Variants in TBC1D22A observed in about 807,000 individuals in gnomAD.
TBC1D22A encodes the protein TBC1 domain family member 22A.
Under a neutral mutation model 60.2 loss-of-function variants are expected in TBC1D22A, and 38 were observed. The observed-to-expected ratio is 0.63, with a 90% CI of 0.49 to 0.83. TBC1D22A has a LOEUF of 0.83. TBC1D22A is among the 40% of genes least tolerant of loss of function. TBC1D22A has a pLI of 0.00. For synonymous variants in TBC1D22A, 302 were observed against 281.7 expected (o/e 1.07, Z -0.72); for missense variants, 628 against 701.0 (o/e 0.90, Z 1.18).
chr22:47,115,324 G>A (rs932272108), intron 12 of TBC1D22A, among the ~76,000 whole-genome samples: 2 of 152,142 alleles, frequency 1.3e-5, no homozygotes, highest in African/African-American at 4.8e-5. Flanking sequence ...CCACAGCCCT[G>A]CCCTGGGCGT....
At chr22:47,151,969 G>T (rs936370956) in intron 12 of TBC1D22A, among the ~76,000 whole-genome samples, 1 of 152,202 alleles carries the variant, frequency 6.6e-6, no homozygotes, top group South Asian at 2.1e-4. Flanking sequence ...GCAGAGGGCC[G>T]TGTGCATAGG....
At chr22:47,017,865 A>G (rs1013039970) in intron 10 of TBC1D22A, among the ~76,000 whole-genome samples, 6 of 152,188 alleles carry the variant, frequency 3.9e-5, no homozygotes, top group African/African-American at 1.4e-4. Flanking sequence ...TCCATCTATT[A>G]TTTAAAAGGT....
chr22:47,141,140 A>G lies in TBC1D22A; in HGVS notation c.1425+29537A>G, dbSNP rs1036730468. Among the ~76,000 whole-genome samples the G allele has an allele frequency of 2.0e-5, 3 of 152,206 alleles. No homozygotes were observed. The South Asian group carries it at 6.2e-4, about 31-fold the overall frequency. ...TGGTAGCAGGCAAGCGAGCATGTGC[A>G]GGGTTACTGCCCTTTATAAAACCAT... On this transcript the variant is annotated intron_variant, in intron 12 of 12. Transcript: ENST00000337137.
chr22:47,151,515 A>G (rs1473278997), intron 12 of TBC1D22A, among the ~76,000 whole-genome samples: 3 of 152,228 alleles, frequency 2.0e-5, no homozygotes, highest in Non-Finnish European at 2.9e-5. Flanking sequence ...CTACATGTTT[A>G]AAGGTAGCCT....
Position 47,075,531 on chromosome 22 carries a change from G to T in TBC1D22A, c.1330-35977G>T, listed in dbSNP as rs899060273. On this transcript the variant is annotated intron_variant, in intron 11 of 12. Transcript: ENST00000337137. ...ATCCCATCCCTCAGTGTTAAAGGGTGACCACTATAAATGAGTAGAAATATA... is the reference window on the plus strand; with the variant it reads ...ATCCCATCCCTCAGTGTTAAAGGGTTACCACTATAAATGAGTAGAAATATA... 1.4e-4 allele frequency among the ~76,000 whole-genome samples: 21 copies of T among 152,054 alleles called. 1 individual carries two copies. The highest frequency in any genetic ancestry group is 4.6e-4 in the African/African-American group (19 of 41,388).
chr22:46,982,134 A>G (rs1409110262), intron 9 of TBC1D22A, among the ~76,000 whole-genome samples: 3 of 152,010 alleles, frequency 2.0e-5, no homozygotes, highest in Non-Finnish European at 4.4e-5. Context: ...AGCTCTGGAA[A>G]GTCTGTCCTT....
At chr22:46,970,671 T>C (rs2074012023) in intron 8 of TBC1D22A, among the ~76,000 whole-genome samples, 1 of 152,186 alleles carries the variant, frequency 6.6e-6, no homozygotes, top group African/African-American at 2.4e-5. Flanking sequence ...GTGTGTACCG[T>C]TGAGTGGGAA....
chr22:46,810,943 C>T (rs2085351855), intron 4 of TBC1D22A, among the ~76,000 whole-genome samples: 1 of 152,148 alleles, frequency 6.6e-6, no homozygotes, highest in Non-Finnish European at 1.5e-5. Flanking sequence ...AGAGTCTGTA[C>T]CCTTACATGC....
chr22:47,047,219 C>T (rs1202549481), intron 11 of TBC1D22A, among the ~76,000 whole-genome samples: 5 of 152,192 alleles, frequency 3.3e-5, no homozygotes, highest in African/African-American at 1.2e-4. Flanking sequence ...GCCAGCCCTA[C>T]CCTCTTGCTA....
At chr22:47,050,457 G>A (rs1771288196) in intron 11 of TBC1D22A, among the ~76,000 whole-genome samples, 1 of 152,220 alleles carries the variant, frequency 6.6e-6, no homozygotes, top group Non-Finnish European at 1.5e-5. Context: ...GTTTTTAGCA[G>A]CTGGCTGTGC....
intron 12 of TBC1D22A, among the ~76,000 whole-genome samples, chr22:47,130,709 G>A (rs1350791284): frequency 6.6e-6 from 1 of 152,198 alleles, no homozygotes. Context: ...GGACCCTGCG[G>A]TCTGCAAAAC....
chr22:47,010,762 T>C (rs536735971), intron 10 of TBC1D22A, among the ~76,000 whole-genome samples: 10 of 152,334 alleles, frequency 6.6e-5, no homozygotes, highest in Admixed American at 4.6e-4. Context: ...TTTAATGTGC[T>C]TTCCATTGAA....
At chr22:46,943,767 C>T (rs1454914792) in intron 8 of TBC1D22A, among the ~76,000 whole-genome samples, 2 of 152,180 alleles carry the variant, frequency 1.3e-5, no homozygotes, top group Non-Finnish European at 2.9e-5. Flanking sequence ...ATGGATTTGC[C>T]CTTTCTGACA....
Position 46,968,201 on chromosome 22 carries a change from G to T in TBC1D22A, c.1016-6089G>T, listed in dbSNP as rs188378583. Among the ~76,000 whole-genome samples, 713 of 152,320 alleles carry T rather than the reference G, an allele frequency of 4.7e-3. 4 individuals carry two copies. Among genetic ancestry groups the T allele is most frequent in the Non-Finnish European group, 6.9e-3 (466 of 68,020 alleles). ...GCTGCACAAGGGAGGCTCCGGCATG[G>T]ATGCTCCTTACTGAGTCAGAGGCCT... On this transcript the variant is annotated intron_variant, in intron 8 of 12. Transcript: ENST00000337137.
At chr22:47,041,734 C>T (rs774807241) in intron 11 of TBC1D22A, among the ~76,000 whole-genome samples, 5 of 152,180 alleles carry the variant, frequency 3.3e-5, no homozygotes, top group East Asian at 3.8e-4. Flanking sequence ...GAAGGTTTTT[C>T]GAGTGAGGAT....
chr22:47,165,764 CG>C (rs2068183569), intron 12 of TBC1D22A, among the ~76,000 whole-genome samples: 1 of 152,112 alleles, frequency 6.6e-6, no homozygotes, highest in Admixed American at 6.5e-5. Flanking sequence ...CCCTGCCCCC[CG>C]GACCCCGGGG....
At chr22:46,993,961 G>A (rs981027907) in intron 9 of TBC1D22A, among the ~76,000 whole-genome samples, 1 of 152,192 alleles carries the variant, frequency 6.6e-6, no homozygotes, top group African/African-American at 2.4e-5. Context: ...GGGGCCGGGC[G>A]TCCCTGCTAC....
At chr22:47,157,151 T>C (rs527842520) in intron 12 of TBC1D22A, among the ~76,000 whole-genome samples, 1 of 152,304 alleles carries the variant, frequency 6.6e-6, no homozygotes, top group Admixed American at 6.5e-5. Flanking sequence ...AGTGCTCCTG[T>C]GTTGGCTCTT....
intron 10 of TBC1D22A, among the ~76,000 whole-genome samples, chr22:47,015,570 A>C (rs147585337): frequency 1.3e-5 from 2 of 152,290 alleles, no homozygotes; most frequent in East Asian, 3.9e-4. Context: ...CTCCAGAAGG[A>C]ATTGTTTCTT....
Sources: allele counts gnomAD v4.1 joint callset (sites outside exome capture counted in the v4.1 genomes callset), GRCh38; gene constraint gnomAD v4.1.1; transcripts MANE v1.5; gene names NCBI Gene and HGNC (gene_info 2026-07-23, HGNC 2026-07-21).